CDH1: variants seen among roughly 807,000 people sequenced by gnomAD.
CDH1 encodes the protein cadherin 1, also known as cadherin-1.
A neutral mutation model predicts 84.5 loss-of-function variants in CDH1; 35 were observed. The observed-to-expected ratio is 0.41, with a 90% CI of 0.32 to 0.55. The LOEUF (loss-of-function observed/expected upper bound fraction) is 0.55, where lower values mean the gene tolerates loss of function less well. Ranked by LOEUF, CDH1 falls within the 20% of genes least tolerant of loss-of-function variation. CDH1 has a pLI of 0.19. For missense variants in CDH1, 994 were observed against 1,126.6 expected, an observed-to-expected ratio of 0.88 and a Z score of 1.68; for synonymous variants, 417 against 439.0, an observed-to-expected ratio of 0.95 and a Z score of 0.63.
chr16:68,815,827 AATAAT>A, intron 10 of CDH1, 68 bp downstream of exon 10: 1 of 1,536,896 alleles, frequency 6.5e-7, no homozygotes, highest in Non-Finnish European at 9.0e-7. Flanking sequence ...TATGTAAATC[AATAAT>A]ATGTACTTCA....
chr16:68,812,174 C>T lies in CDH1; in HGVS notation c.1048C>T (p.Leu350Phe), dbSNP rs1273267349. The change falls in exon 8 of 16, where the codon CTT becomes TTT. Residue 350 changes from leucine (L) to phenylalanine (F), a missense_variant. Physicochemically the swap from Leu to Phe is conservative, Grantham distance 22 (BLOSUM62 0). Around this residue, in one of 3 missense-constraint regions of CDH1, gnomAD observed 769 missense variants for 881.8 expected, o/e 0.87. Transcript: ENST00000261769. Reference protein sequence around the residue: ...TYTLVVQAADLQGEGLSTTAT... With the variant: ...TYTLVVQAADFQGEGLSTTAT... Reference sequence around the variant, plus strand: ...TACCCTGGTGGTTCAAGCTGCTGACCTTCAAGGTGAGGGGTTAAGCACAAC... The same window carrying T: ...TACCCTGGTGGTTCAAGCTGCTGACTTTCAAGGTGAGGGGTTAAGCACAAC... 6.2e-7 allele frequency: 1 copy of T among 1,614,204 alleles called. No homozygotes were observed. Among genetic ancestry groups the T allele is most frequent in the South Asian group, 1.1e-5 (1 of 91,080 alleles).
At chr16:68,793,520 G>A (rs774652012) in intron 2 of CDH1, among the ~76,000 whole-genome samples, 5 of 152,208 alleles carry the variant, frequency 3.3e-5, no homozygotes, top group African/African-American at 4.8e-5. Flanking sequence ...TGGCGGCTAA[G>A]TAGCATCAGA....
chr16:68,737,754 T>G (rs1962439731), intron 1 of CDH1, among the ~76,000 whole-genome samples: 2 of 143,424 alleles, frequency 1.4e-5, no homozygotes, highest in African/African-American at 2.6e-5. Context: ...GGTGGGGGCG[T>G]GAAGCGGGGT....
At chr16:68,821,841 G>A (rs979236474) in intron 11 of CDH1, among the ~76,000 whole-genome samples, 160 bp from the exon 12 acceptor site, 2 of 152,162 alleles carry the variant, frequency 1.3e-5, no homozygotes, top group Non-Finnish European at 1.5e-5. Flanking sequence ...GGGAGTGGAG[G>A]TCCTTTGGGA....
chr16:68,767,174 A>C (rs4783676), intron 2 of CDH1, among the ~76,000 whole-genome samples: 73,365 of 151,242 alleles, frequency 0.49, 18,891 homozygotes, highest in Non-Finnish European at 0.58. Context: ...TCCCTGCTCC[A>C]TTTTAGACCA....
intron 2 of CDH1, among the ~76,000 whole-genome samples, chr16:68,750,218 T>C (rs1371963585): frequency 1.3e-5 from 2 of 149,984 alleles, no homozygotes; most frequent in Admixed American, 6.7e-5. Flanking sequence ...GGTTTCCCTC[T>C]TGACCTTCAC....
intron 2 of CDH1, among the ~76,000 whole-genome samples, chr16:68,762,696 G>T (rs776002031): frequency 1.3e-5 from 2 of 152,102 alleles, no homozygotes; most frequent in Non-Finnish European, 2.9e-5. Flanking sequence ...ATCACCTGAA[G>T]TCAGGAGTTT....
intron 2 of CDH1, among the ~76,000 whole-genome samples, chr16:68,777,005 G>A (rs1313810382): frequency 6.6e-6 from 1 of 152,146 alleles, no homozygotes; most frequent in East Asian, 1.9e-4. Context: ...CTTGTTACTT[G>A]TAACCACCGT....
intron 2 of CDH1, among the ~76,000 whole-genome samples, chr16:68,758,323 A>T (rs2152118747): frequency 6.7e-6 from 1 of 149,508 alleles, no homozygotes; most frequent in Non-Finnish European, 1.5e-5. Flanking sequence ...CACCTGTACA[A>T]AGGGGATAAA....
At chr16:68,776,684 A>T (rs984642160) in intron 2 of CDH1, among the ~76,000 whole-genome samples, 3 of 152,180 alleles carry the variant, frequency 2.0e-5, no homozygotes, top group African/African-American at 7.2e-5. Context: ...GTTTCATTTT[A>T]TATTGCAGCT....
intron 2 of CDH1, among the ~76,000 whole-genome samples, chr16:68,774,053 G>A (rs1274135315): frequency 6.6e-6 from 1 of 152,106 alleles, no homozygotes; most frequent in Non-Finnish European, 1.5e-5. Flanking sequence ...GTAGCTGGCA[G>A]TACAGGCACA....
chr16:68,759,321 G>A (rs1963099537), intron 2 of CDH1, among the ~76,000 whole-genome samples: 2 of 152,044 alleles, frequency 1.3e-5, no homozygotes, highest in African/African-American at 4.8e-5. Flanking sequence ...AACATAGCAA[G>A]ACCCCCATCT....
At chr16:68,786,756 G>A (rs1290391070) in intron 2 of CDH1, among the ~76,000 whole-genome samples, 1 of 152,026 alleles carries the variant, frequency 6.6e-6, no homozygotes, top group African/African-American at 2.4e-5. Context: ...AAGAGAAAAG[G>A]CATCCTCTTG....
chr16:68,764,654 AC>A (rs1272682299), intron 2 of CDH1, among the ~76,000 whole-genome samples: 1 of 152,104 alleles, frequency 6.6e-6, no homozygotes, highest in Non-Finnish European at 1.5e-5. Flanking sequence ...AGGCCTGCAA[AC>A]TCCCTGTGTG....
chr16:68,766,673 A>C (rs1959398243), intron 2 of CDH1, among the ~76,000 whole-genome samples: 1 of 152,118 alleles, frequency 6.6e-6, no homozygotes, highest in Non-Finnish European at 1.5e-5. Context: ...CATTGCCCTG[A>C]GCATTTGTAT....
chr16:68,755,096 A>T (rs1017030891), intron 2 of CDH1, among the ~76,000 whole-genome samples: 3 of 151,834 alleles, frequency 2.0e-5, no homozygotes, highest in Admixed American at 6.6e-5. Flanking sequence ...CCTGGGCATG[A>T]TAGAACCCCG....
At chr16:68,831,369 C>T (rs1038140605) in intron 15 of CDH1, among the ~76,000 whole-genome samples, 8 of 150,458 alleles carry the variant, frequency 5.3e-5, no homozygotes, top group African/African-American at 1.2e-4. Flanking sequence ...GGATTACAGG[C>T]GTGAGCCACC....
intron 2 of CDH1, among the ~76,000 whole-genome samples, chr16:68,801,238 A>G (rs532765606): frequency 1.7e-4 from 26 of 152,012 alleles, no homozygotes; most frequent in Admixed American, 1.4e-3. Context: ...CAGCCTCCCA[A>G]GTGGCTGCAA....
At chr16:68,824,171 A>C (rs148509401) in intron 13 of CDH1, among the ~76,000 whole-genome samples, 13 of 151,216 alleles carry the variant, frequency 8.6e-5, no homozygotes, top group Admixed American at 7.9e-4. Flanking sequence ...CTAATTTTGT[A>C]TTTTCAGTAG....
Sources: allele counts gnomAD v4.1 joint callset (sites outside exome capture counted in the v4.1 genomes callset), GRCh38; gene constraint gnomAD v4.1.1; regional missense constraint gnomAD v4.1.1; transcripts MANE v1.5; gene names NCBI Gene and HGNC (gene_info 2026-07-23, HGNC 2026-07-21).